The following OMA1 variants were observed in gnomAD, a reference collection of about 807,000 sequenced individuals.
The protein encoded by OMA1 is OMA1 zinc metallopeptidase, also known as metalloendopeptidase OMA1, mitochondrial.
A neutral mutation model predicts 30.9 loss-of-function variants in OMA1; 38 were observed. That is an observed-to-expected ratio of 1.23 (90% CI 0.95 to 1.61). OMA1 has a LOEUF of 1.61. Among genes scored for constraint, OMA1 ranks in the 40% most tolerant of loss-of-function variants. The pLI, the probability that OMA1 is intolerant of heterozygous loss-of-function variation, is 0.00. For missense variants in OMA1, 461 were observed against 349.2 expected, an observed-to-expected ratio of 1.32 and a Z score of -2.55; for synonymous variants, 173 against 121.9, an observed-to-expected ratio of 1.42 and a Z score of -2.76.
intron 8 of OMA1, among the ~76,000 whole-genome samples, chr1:58,500,057 G>GA (rs1569899467): frequency 6.6e-6 from 1 of 151,982 alleles, no homozygotes; most frequent in Admixed American, 6.6e-5. Context: ...TTTCAAGAGG[G>GA]AAAAAAATCA....
At chr1:58,519,433 C>T (rs1252957652) in intron 7 of OMA1, among the ~76,000 whole-genome samples, 1 of 151,994 alleles carries the variant, frequency 6.6e-6, no homozygotes, top group African/African-American at 2.4e-5. Flanking sequence ...GGAAGCTTCC[C>T]CAAAGAAAGA....
Position 58,539,067 on chromosome 1 carries a change from G to C in OMA1, c.228C>G (p.Asn76Lys), listed in dbSNP as rs1050347212. Residue 76 changes from asparagine (N) to lysine (K), a missense_variant, in exon 2 of 9, where the codon AAC (asparagine) becomes AAG (lysine). Asn to Lys is a moderately conservative substitution (Grantham distance 94). Coordinates refer to ENST00000371226, the MANE Select transcript of OMA1 (RefSeq NM_145243.5). ...TACTTGAGAGGCCTCCTGTTCTTTT[G>C]TTGTTAAAAGTACTATAAAAATGAA... ...GNFHFYSTFN[N>K]KRTGGLSSTK... 2 of 872,702 alleles carry C rather than the reference G, an allele frequency of 2.3e-6. No homozygotes were observed. Among genetic ancestry groups the C allele is most frequent in the African/African-American group, 3.3e-5 (2 of 61,296 alleles). 54.1% of individuals were successfully genotyped at this position (872,702 alleles called of 1,614,324 possible).
chr1:58,536,783 A>G (rs1646523004), intron 2 of OMA1, 42 bp from the exon 3 acceptor site: 3 of 842,762 alleles, frequency 3.6e-6, no homozygotes, highest in Admixed American at 3.7e-5. Context: ...AAATCATTCC[A>G]GCACATATCA....
intron 7 of OMA1, among the ~76,000 whole-genome samples, chr1:58,522,123 C>T (rs1037767337): frequency 1.3e-5 from 2 of 152,050 alleles, no homozygotes; most frequent in Non-Finnish European, 1.5e-5. Flanking sequence ...TGCCCAATAA[C>T]AGATTAAAGG....
At chr1:58,537,654 A>G (rs921417500) in intron 2 of OMA1, among the ~76,000 whole-genome samples, 1 of 152,234 alleles carries the variant, frequency 6.6e-6, no homozygotes, top group African/African-American at 2.4e-5. Flanking sequence ...AAAATTTACC[A>G]TATATACATC....
Position 58,539,250 on chromosome 1 carries a change from A to C in OMA1, c.45T>G (p.Val15=). 2.3e-6 allele frequency: 2 copies of C among 869,690 alleles called. No individual in the cohort carries two copies. The highest frequency in any genetic ancestry group is 3.3e-5 in the African/African-American group (2 of 61,318). 53.9% of individuals were successfully genotyped at this position (869,690 alleles called of 1,614,324 possible). A position where few individuals can be genotyped will look rare whatever the true frequency, so the allele number is the denominator to read the frequency against. Residue 15 remains valine, a synonymous_variant, in exon 2 of 9, where the codon GTT becomes GTG. Transcript: ENST00000371226. ...CGLQSAARNH[V]FFRFNSLSNW... is the part of the protein sequence containing the mutation. ...TAGACAGTGAATTAAATCGGAAGAA[A>C]ACATGGTTTCTAGCAGCAGACTGCA...
intron 8 of OMA1, among the ~76,000 whole-genome samples, chr1:58,503,121 A>C (rs1296542576): frequency 1.3e-5 from 2 of 152,236 alleles, no homozygotes; most frequent in African/African-American, 4.8e-5. Context: ...TTCACATGAA[A>C]AGTTGGCTAA....
chr1:58,499,843 C>T (rs1645877795), intron 8 of OMA1, among the ~76,000 whole-genome samples: 1 of 151,480 alleles, frequency 6.6e-6, no homozygotes, highest in Non-Finnish European at 1.5e-5. Context: ...TATTTATTCC[C>T]AGTAACAACT....
chr1:58,545,886 G>A (rs1170080816), intron 1 of OMA1, among the ~76,000 whole-genome samples: 2 of 152,206 alleles, frequency 1.3e-5, no homozygotes, highest in Non-Finnish European at 2.9e-5. Context: ...GACGGCAGCA[G>A]ACTTGGTTCT....
rs190096936 is a variant in OMA1, at chr1:58,494,831, C to T, written c.1365+11229G>A. Among the ~76,000 whole-genome samples, 1,100 of 152,256 alleles carry T rather than the reference C, an allele frequency of 7.2e-3. 18 individuals are homozygous for T. The highest frequency in any genetic ancestry group is 0.025 in the African/African-American group (1,037 of 41,520). On this transcript the variant is annotated intron_variant, in intron 8 of 8. Coordinates refer to ENST00000371226, the MANE Select transcript of OMA1 (RefSeq NM_145243.5). ...TTTACACTGTTGGTGGGACTGTAAA[C>T]TAGTTCAAACATTGTGGAAGTCAGT... is the stretch of plus-strand genomic sequence containing the variant.
chr1:58,531,920 G>T (rs747369537), intron 5 of OMA1, among the ~76,000 whole-genome samples: 69 of 152,080 alleles, frequency 4.5e-4, no homozygotes, highest in African/African-American at 9.9e-4. Context: ...TGTTGGCCAG[G>T]CTGGTCTTGA....
chr1:58,503,461 C>T (rs6587818), intron 8 of OMA1, among the ~76,000 whole-genome samples: 47,275 of 151,796 alleles, frequency 0.31, 7,783 homozygotes, highest in African/African-American at 0.42. Context: ...ATTAAGAATA[C>T]AAATGAAATC....
At chr1:58,505,078 G>A (rs1434449895) in intron 8 of OMA1, among the ~76,000 whole-genome samples, 2 of 151,950 alleles carry the variant, frequency 1.3e-5, no homozygotes, top group Middle Eastern at 3.4e-3. Flanking sequence ...TCAATCTCCC[G>A]AGTAGCTGGG....
At chr1:58,520,786 A>G (rs1322323783) in intron 7 of OMA1, among the ~76,000 whole-genome samples, 1 of 152,196 alleles carries the variant, frequency 6.6e-6, no homozygotes, top group Admixed American at 6.5e-5. Flanking sequence ...TATGTATATT[A>G]AAGATACTTT....
chr1:58,528,682 T>C lies in OMA1; in HGVS notation c.1141-1347A>G, dbSNP rs191944303. Among the ~76,000 whole-genome samples the C allele has an allele frequency of 2.0e-5, 3 of 152,306 alleles. No homozygotes were observed. The East Asian group carries it at 5.8e-4, about 29-fold the overall frequency. On this transcript the variant is annotated intron_variant, in intron 6 of 8. Coordinates refer to ENST00000371226, the MANE Select transcript of OMA1 (RefSeq NM_145243.5). ...TCCAAAGTGTGAGTAGTGCTGAGAT[T>C]GAGAAATCCTGCTTTAAATGTGTCA...
rs60360589 is a variant in OMA1, at chr1:58,541,614, C to CAAAAAAAAAAAAAAAAAAAAAAA, written c.-16-2327_-16-2305dup. On this transcript the variant is annotated intron_variant, in intron 1 of 8. Transcript: ENST00000371226. ...CGTGGGCAACAGAATGAGAACCTGT[C>CAAAAAAAAAAAAAAAAAAAAAAA]AAAAAAAAAAAAAAAAAAAAAAAAA... 26 of 65,628 alleles carry CAAAAAAAAAAAAAAAAAAAAAAA rather than the reference C, an allele frequency of 4.0e-4. 1 individual carries two copies. Among genetic ancestry groups the CAAAAAAAAAAAAAAAAAAAAAAA allele is most frequent in the South Asian group, 7.5e-4 (1 of 1,342 alleles). The allele number at this position is 65,628 out of a possible 1,614,324, so 4.1% of individuals were successfully genotyped here. A position where few individuals can be genotyped will look rare whatever the true frequency, so the allele number is the denominator to read the frequency against.
chr1:58,517,628 A>G (rs1380567847), intron 7 of OMA1, among the ~76,000 whole-genome samples: 1 of 150,566 alleles, frequency 6.6e-6, no homozygotes, highest in Non-Finnish European at 1.5e-5. Context: ...TGTTAAAATT[A>G]TTTATTAAAT....
At chr1:58,506,877 A>G (rs1311795638) in intron 7 of OMA1, among the ~76,000 whole-genome samples, 1 of 152,150 alleles carries the variant, frequency 6.6e-6, no homozygotes, top group Non-Finnish European at 1.5e-5. Flanking sequence ...AATACCTTAT[A>G]AAAGTACAAT....
intron 5 of OMA1, among the ~76,000 whole-genome samples, chr1:58,532,979 A>G (rs923630311): frequency 6.6e-6 from 1 of 152,368 alleles, no homozygotes; most frequent in Non-Finnish European, 1.5e-5. Context: ...GATTAGAATC[A>G]TTATCATTTC....
Sources: gnomAD v4.1 joint callset for allele counts (sites outside exome capture counted in the v4.1 genomes callset) on GRCh38, gnomAD v4.1.1 for gene constraint, MANE v1.5 for transcripts, NCBI Gene and HGNC (gene_info 2026-07-23, HGNC 2026-07-21) for gene names.